PLEC: variants seen among roughly 807,000 people sequenced by gnomAD.
PLEC encodes plectin.
In PLEC, 216 loss-of-function variants were observed where a neutral mutation model predicts 392.8. The observed-to-expected ratio is 0.55, with a 90% CI of 0.49 to 0.62. The LOEUF is 0.62. Ranked by LOEUF, PLEC falls within the 20% of genes least tolerant of loss-of-function variation. The pLI is 0.00. For synonymous variants in PLEC, 3,621 were observed against 2,980.6 expected (o/e 1.21, Z -7.00); for missense variants, 6,863 against 6,563.4 (o/e 1.05, Z -1.58).
chr8:143,919,461 C>A lies in PLEC; in HGVS notation c.10360G>T (p.Gly3454Cys). 6.2e-7 allele frequency: 1 copy of A among 1,613,322 alleles called. No individual in the cohort carries two copies. The highest frequency in any genetic ancestry group is 1.1e-5 in the South Asian group (1 of 91,072). The change falls in exon 32 of 32, where the codon GGC becomes TGC. Residue 3454 changes from glycine (G) to cysteine (C), a missense_variant. Physicochemically the swap from Gly to Cys is radical, Grantham distance 159. Transcript: ENST00000345136. ...TISLFQAMQK[G>C]LVLRQHGIRL... ...ATGCCGTGCTGCCGGAGAACCAGGC[C>A]CTTCTGCATGGCCTGGAAGAGGGAG... is the stretch of plus-strand genomic sequence containing the variant.
In PLEC at chr8:143,925,212, T is replaced by C. The variant is rs1212000414; in HGVS notation, c.4717A>G (p.Ser1573Gly). Reference protein sequence around the residue: ...VQVALETAQRSAEAELQSKRA... With the variant: ...VQVALETAQRGAEAELQSKRA... ...TTGCTCTGCAGCTCCGCCTCTGCAC[T>C]GCGCTGCGCCGTCTCCAGGGCCACC... Residue 1573 changes from serine to glycine, a missense_variant, in exon 31 of 32, where the codon AGT becomes GGT. Ser to Gly is a moderately conservative substitution (Grantham distance 56). Transcript: ENST00000345136. The C allele has an allele frequency of 5.7e-6, 9 of 1,586,708 alleles. No homozygotes were observed. The highest frequency in any genetic ancestry group is 4.5e-5 in the South Asian group (4 of 89,542).
rs1833333810 is a variant in PLEC, at chr8:143,969,937, G to A, written c.70+3466C>T. On this transcript the variant is annotated intron_variant, in intron 1 of 31. Coordinates refer to the PLEC transcript ENST00000356346. The surrounding 1 kb of genome is among the most constrained non-coding windows in gnomAD (Gnocchi z 5.1). The stretch of plus-strand genomic sequence containing the variant: ...GCCTGCATTGGTCTGGGGGAAAAGC[G>A]GGCCTGGAGAGGGGCTGGGTGTGTT... 6.6e-6 allele frequency among the ~76,000 whole-genome samples: 1 copy of A among 152,040 alleles called. No homozygotes were observed. The highest frequency in any genetic ancestry group is 2.4e-5 in the African/African-American group (1 of 41,394).
At position 143,930,431 on chromosome 8, in the gene PLEC, G is replaced by C. The variant is rs201194946; in HGVS notation, c.2410C>G (p.Arg804Gly). ...ACGGCCAGCAGGGGCAGGCGGCCCC[G>C]CATGGGGTGGGCTGGGTGGCGGGGC... ...LKPRHPAHPM[R>G]GRLPLLAVCD... The change falls in exon 20 of 32, where the codon CGG becomes GGG. Residue 804 changes from arginine to glycine, a missense_variant. Physicochemically the swap from Arg to Gly is moderately radical, Grantham distance 125. Transcript: ENST00000345136. 2 of 1,573,544 alleles carry C rather than the reference G, an allele frequency of 1.3e-6. No homozygotes were observed. Among genetic ancestry groups the C allele is most frequent in the Admixed American group, 1.8e-5 (1 of 54,424 alleles).
At position 143,939,572 on chromosome 8, in the gene PLEC, T is replaced by C. The variant is rs1830025703; in HGVS notation, c.-111A>G. ...GCTGGCGGCCCCACGAGACGCTCAC[T>C]CGGCACAGGCTCAGCTCAGAGCCCC... On this transcript the variant is annotated 5_prime_UTR_variant, in exon 1 of 32. Transcript: ENST00000345136. 2.0e-6 allele frequency: 3 copies of C among 1,525,488 alleles called. No individual in the cohort carries two copies. The Admixed American group carries it at 5.9e-5, about 30-fold the overall frequency. 94.5% of individuals were successfully genotyped at this position (1,525,488 alleles called of 1,614,324 possible).
chr8:143,958,820 C>T (rs753243752), upstream of PLEC: 48 of 283,570 alleles, frequency 1.7e-4, no homozygotes, highest in Non-Finnish European at 3.3e-4. This position sits in a 1 kb window ranked among gnomAD's most constrained non-coding sequence, Gnocchi z 4.9. Flanking sequence ...GCCCCTGGGG[C>T]GGCTGCCTCA....
At position 143,933,940 on chromosome 8, in the gene PLEC, G is replaced by A. The variant is rs1457621242; in HGVS notation, c.1263+58C>T. On this transcript the variant is annotated intron_variant, in intron 12 of 31. Coordinates refer to ENST00000345136, the MANE Select transcript of PLEC (RefSeq NM_201384.3). ...CCCCCTCCTGGCTTTAGGGCTGCAG[G>A]GCGGGGCAGGCTCCTCCGGCCTCCC... 25 of 1,468,270 alleles carry A rather than the reference G, an allele frequency of 1.7e-5. No individual in the cohort carries two copies. In the African/African-American group the frequency reaches 3.1e-4, roughly 18 times the overall value. 91.0% of individuals were successfully genotyped at this position (1,468,270 alleles called of 1,614,324 possible). A position where few individuals can be genotyped will look rare whatever the true frequency, so the allele number is the denominator to read the frequency against.
At chr8:143,975,330 C>A (rs781915489), upstream of PLEC, 2 of 1,611,484 alleles carry the variant, frequency 1.2e-6, no homozygotes, top group East Asian at 2.2e-5. The surrounding 1 kb of genome is among the most constrained non-coding windows in gnomAD (Gnocchi z 9.9). Flanking sequence ...TTGGAGACAT[C>A]TTCAGAGACT....
In PLEC at chr8:143,925,368, C is replaced by T. The variant is rs782046910; in HGVS notation, c.4561G>A (p.Val1521Met). The change falls in exon 31 of 32, where the codon GTG becomes ATG. Residue 1521 changes from valine to methionine, a missense_variant. Val to Met is a conservative substitution (Grantham distance 21, BLOSUM62 1). Transcript: ENST00000345136. Reference protein sequence around the residue: ...RQAEVELASRVKAEAEAAREK... With the variant: ...RQAEVELASRMKAEAEAAREK... ...CGCGCCGCCTCGGCCTCGGCCTTCACGCGCGAGGCCAGCTCCACCTCCGCC... is the reference window on the plus strand; with the variant it reads ...CGCGCCGCCTCGGCCTCGGCCTTCATGCGCGAGGCCAGCTCCACCTCCGCC... 1.0e-4 allele frequency: 160 copies of T among 1,560,102 alleles called. No individual in the cohort carries two copies. The highest frequency in any genetic ancestry group is 1.2e-4 in the Non-Finnish European group (139 of 1,160,414).
At chr8:143,963,666 T>C (rs1255501725) in intron 1 of PLEC, among the ~76,000 whole-genome samples, 1 of 152,182 alleles carries the variant, frequency 6.6e-6, no homozygotes, top group African/African-American at 2.4e-5. Flanking sequence ...TTGGGACTTC[T>C]GAGCTGATTA....
Position 143,925,746 on chromosome 8 carries a change from G to C in PLEC, c.4183C>G (p.Gln1395Glu). ...QAEREAKELQQRMQEEVVRRE... is the reference protein window; with the variant it reads ...QAEREAKELQERMQEEVVRRE... ...CGCACCACCTCCTCCTGCATGCGCTGCTGCAGCTCCTTCGCCTCCCGCTCC... is the reference window on the plus strand; with the variant it reads ...CGCACCACCTCCTCCTGCATGCGCTCCTGCAGCTCCTTCGCCTCCCGCTCC... Residue 1395 changes from glutamine (Q) to glutamate (E), a missense_variant, in exon 31 of 32, where the codon CAG becomes GAG. Gln to Glu is a conservative substitution (Grantham distance 29, BLOSUM62 2). Coordinates refer to ENST00000345136, the MANE Select transcript of PLEC (RefSeq NM_201384.3). 1 of 1,594,432 alleles carries C rather than the reference G, an allele frequency of 6.3e-7. No individual in the cohort carries two copies. The highest frequency in any genetic ancestry group is 1.1e-5 in the South Asian group (1 of 90,576).
At chr8:143,958,539 C>T, upstream of PLEC, 1 of 376,924 alleles carries the variant, frequency 2.7e-6, no homozygotes, top group South Asian at 1.8e-5. This position sits in a 1 kb window ranked among gnomAD's most constrained non-coding sequence, Gnocchi z 4.9. Flanking sequence ...ACACCCTGGC[C>T]TGGCCACCAC....
At position 143,973,354 on chromosome 8, in the gene PLEC, G is replaced by T. The variant is rs1341209219; in HGVS notation, c.70+49C>A. 5.2e-6 allele frequency: 8 copies of T among 1,541,706 alleles called. No homozygotes were observed. Among genetic ancestry groups the T allele is most frequent in the Admixed American group, 1.9e-5 (1 of 51,744 alleles). ...ACCGTGGACGACAAGGTGCTCGGCG[G>T]CTGGGCTGTCAGGAGCGGCCCGACA... On this transcript the variant is annotated intron_variant, in intron 1 of 31. Transcript: ENST00000356346. This position sits in a 1 kb window ranked among gnomAD's most constrained non-coding sequence, Gnocchi z 5.6.
rs1326548582 is a variant in PLEC at position 143,915,390 on chromosome 8, G to T, written c.*787C>A. The T allele has an allele frequency of 6.5e-6, 1 of 152,738 alleles. No homozygotes were observed. The highest frequency in any genetic ancestry group is 2.4e-5 in the African/African-American group (1 of 41,452). 9.5% of individuals were successfully genotyped at this position (152,738 alleles called of 1,614,324 possible). On this transcript the variant is annotated 3_prime_UTR_variant, in exon 32 of 32. Coordinates refer to ENST00000345136, the MANE Select transcript of PLEC (RefSeq NM_201384.3). ...GGCTGGTGTCCCTGGGCCCAAAGGG[G>T]GCTGGGGCTCCATGGGAGAGAGACG...
In PLEC at chr8:143,937,188, G is replaced by C; in HGVS notation, c.319C>G (p.Leu107Val). 6.2e-7 allele frequency: 1 copy of C among 1,612,750 alleles called. No homozygotes were observed. Among genetic ancestry groups the C allele is most frequent in the Non-Finnish European group, 8.5e-7 (1 of 1,179,778 alleles). ...ACCTGGCGGTGCCGGAGGTAGTCCAGGGCAATCTGGACATTCTGCAGCTTG... is the reference window on the plus strand; with the variant it reads ...ACCTGGCGGTGCCGGAGGTAGTCCACGGCAATCTGGACATTCTGCAGCTTG... ...FHKLQNVQIALDYLRHRQVKL... is the reference protein window; with the variant it reads ...FHKLQNVQIAVDYLRHRQVKL... The change falls in exon 4 of 32, where the codon CTG (leucine) becomes GTG (valine). Residue 107 changes from leucine (L) to valine (V), a missense_variant. Transcript: ENST00000345136.
In PLEC at chr8:143,916,678, G is replaced by C. The variant is rs567784072; in HGVS notation, c.13143C>G (p.Tyr4381Ter). The C allele has an allele frequency of 6.2e-7, 1 of 1,611,920 alleles. No individual in the cohort carries two copies. ...AQALKKGWLYYEAGQRFLEVQ... is the reference protein window; with the variant it reads ...AQALKKGWLY Reference sequence around the variant, plus strand: ...CCTCCAGGAAGCGCTGGCCGGCCTCGTAGTAGAGCCAGCCCTTCTTCAGGG... The same window carrying C: ...CCTCCAGGAAGCGCTGGCCGGCCTCCTAGTAGAGCCAGCCCTTCTTCAGGG... The change falls in exon 32 of 32, where the codon TAC becomes TAG. Residue 4381 changes from tyrosine to a stop codon, truncating the protein, a stop_gained. Coordinates refer to ENST00000345136, the MANE Select transcript of PLEC (RefSeq NM_201384.3). LOFTEE classifies it high-confidence loss of function.
At chr8:143,940,056 G>C (rs1259616127), upstream of PLEC, among the ~76,000 whole-genome samples, 1 of 152,232 alleles carries the variant, frequency 6.6e-6, no homozygotes, top group East Asian at 1.9e-4. Context: ...CCTGGCGAGG[G>C]GAGGGGACCT....
intron 1 of PLEC, among the ~76,000 whole-genome samples, chr8:143,968,740 ACAC>A (rs1261450989): frequency 6.6e-6 from 1 of 152,232 alleles, no homozygotes; most frequent in African/African-American, 2.4e-5. Context: ...GCCAACAATC[ACAC>A]CAAAGTGTTC....
In PLEC at chr8:143,925,349, G is replaced by A. The variant is rs782569624; in HGVS notation, c.4580C>T (p.Ala1527Val). ...LASRVKAEAEAAREKQRALQA... is the reference protein window; with the variant it reads ...LASRVKAEAEVAREKQRALQA... ...CAGGGCCCGCTGCTTCTCGCGCGCCGCCTCGGCCTCGGCCTTCACGCGCGA... is the reference window on the plus strand; with the variant it reads ...CAGGGCCCGCTGCTTCTCGCGCGCCACCTCGGCCTCGGCCTTCACGCGCGA... The change falls in exon 31 of 32, where the codon GCG becomes GTG. Residue 1527 changes from alanine (A) to valine (V), a missense_variant. Coordinates refer to ENST00000345136, the MANE Select transcript of PLEC (RefSeq NM_201384.3). 6.3e-5 allele frequency: 98 copies of A among 1,548,620 alleles called. No homozygotes were observed. The highest frequency in any genetic ancestry group is 9.6e-5 in the East Asian group (4 of 41,504).
intron 3 of PLEC, among the ~76,000 whole-genome samples, chr8:143,937,507 G>A (rs1470678174): frequency 3.9e-5 from 6 of 152,170 alleles, no homozygotes; most frequent in African/African-American, 1.2e-4. Context: ...AGGAAGCCTC[G>A]TGTGGAGGGC....
Sources: gnomAD v4.1 joint callset for allele counts (sites outside exome capture counted in the v4.1 genomes callset) on GRCh38, gnomAD v4.1.1 for gene constraint, Gnocchi (gnomAD v3.1) non-coding constraint, MANE v1.5 for transcripts, NCBI Gene and HGNC (gene_info 2026-07-23, HGNC 2026-07-21) for gene names.